RC3H2: variants seen among roughly 807,000 people sequenced by gnomAD.
RC3H2 encodes ring finger and CCCH-type domains 2, also known as roquin-2.
A neutral mutation model predicts 133.3 loss-of-function variants in RC3H2; 31 were observed. The ratio of observed to expected loss-of-function variants is 0.23; its 90% CI spans 0.17 to 0.31. The LOEUF (loss-of-function observed/expected upper bound fraction) is 0.31. RC3H2 is among the 10% of genes least tolerant of loss of function. The pLI is 1.00. For missense variants in RC3H2, 1,175 were observed against 1,437.2 expected (o/e 0.82, Z 2.95); for synonymous variants, 517 against 502.2 (o/e 1.03, Z -0.40).
rs1227631048 is a variant in RC3H2, at chr9:122,846,019, C to T, written c.*3608G>A. 6.6e-6 allele frequency: 1 copy of T among 151,996 alleles called. No homozygotes were observed. The highest frequency in any genetic ancestry group is 2.4e-5 in the African/African-American group (1 of 41,370). 9.4% of individuals were successfully genotyped at this position (151,996 alleles called of 1,614,324 possible). On this transcript the variant is annotated 3_prime_UTR_variant, in exon 21 of 21. Coordinates refer to ENST00000357244, the MANE Select transcript of RC3H2 (RefSeq NM_001100588.3). ...TGAATCTGATGGTTATACATTCCAC[C>T]CCTGTTAACAAGACAACATAGGCTT... is the stretch of plus-strand genomic sequence containing the variant.
Position 122,858,991 on chromosome 9 carries a change from T to C in RC3H2, c.1961A>G (p.Tyr654Cys). Residue 654 changes from tyrosine to cysteine, a missense_variant, in exon 12 of 21, where the codon TAT (tyrosine) becomes TGT (cysteine). Coordinates refer to ENST00000357244, the MANE Select transcript of RC3H2 (RefSeq NM_001100588.3). ...ESSLPPASMP[Y>C]ADHYSTFSPR... The stretch of plus-strand genomic sequence containing the variant: ...GGAAAATGTACTGTAATGATCGGCA[T>C]ATGGCATGGAAGCAGGTGGGAGGGA... 1.2e-6 allele frequency: 2 copies of C among 1,614,056 alleles called. No individual in the cohort carries two copies. Among genetic ancestry groups the C allele is most frequent in the Non-Finnish European group, 1.7e-6 (2 of 1,179,970 alleles).
rs1336962611 is a variant in RC3H2, at chr9:122,867,270, G to A, written c.1326-1613C>T. On this transcript the variant is annotated intron_variant, in intron 9 of 20. Transcript: ENST00000357244. ...CCCCGCCCGGCCAGCCGCCCCGTCCGGGAGGGAGGTGGGGGGGTCAGCCCC... is the reference window on the plus strand; with the variant it reads ...CCCCGCCCGGCCAGCCGCCCCGTCCAGGAGGGAGGTGGGGGGGTCAGCCCC... Among the ~76,000 whole-genome samples the A allele has an allele frequency of 1.6e-3, 183 of 111,552 alleles. 1 individual carries two copies. Among genetic ancestry groups the A allele is most frequent in the African/African-American group, 5.6e-3 (158 of 28,288 alleles). The allele number at this position is 111,552 out of a possible 152,430, so 73.2% of individuals were successfully genotyped here.
intron 1 of RC3H2, among the ~76,000 whole-genome samples, chr9:122,899,849 A>G (rs756020015): frequency 6.6e-6 from 1 of 152,190 alleles, no homozygotes; most frequent in Non-Finnish European, 1.5e-5. Flanking sequence ...CATAATGGCC[A>G]CCTGTTTGGA....
At chr9:122,900,832 C>T (rs919063369) in intron 1 of RC3H2, among the ~76,000 whole-genome samples, 5 of 152,040 alleles carry the variant, frequency 3.3e-5, no homozygotes, top group African/African-American at 1.2e-4. Context: ...ATTTTAGTTA[C>T]CAGTTACAAA....
intron 18 of RC3H2, among the ~76,000 whole-genome samples, chr9:122,852,202 G>A (rs1166346610): frequency 7.5e-5 from 11 of 146,348 alleles, no homozygotes; most frequent in South Asian, 4.4e-4. Flanking sequence ...CCGTCTGGGA[G>A]GTGAGGAGCG....
rs1451530134 is a variant in RC3H2, at chr9:122,859,683, G to T, written c.1849+234C>A. Among the ~76,000 whole-genome samples, 3 of 151,864 alleles carry T rather than the reference G, an allele frequency of 2.0e-5. No homozygotes were observed. In the East Asian group the frequency reaches 5.8e-4, roughly 29 times the overall value. ...AAACATTTTTTTACATCATTTCAGG[G>T]GACTTACAGAAAACCCCTAAAGTTC... On this transcript the variant is annotated intron_variant, in intron 11 of 20. Coordinates refer to ENST00000357244, the MANE Select transcript of RC3H2 (RefSeq NM_001100588.3).
At position 122,890,512 on chromosome 9, in the gene RC3H2, C is replaced by T. The variant is rs1392584911; in HGVS notation, c.383G>A (p.Arg128His). The stretch of plus-strand genomic sequence containing the variant: ...TGTCACCAGTTTCCTTTGCATTGGA[C>T]GGCTCAGTGCACTCTGGTTCAAGCT... ...VASLNQSALS[R>H]PMQRKLVTLV... is the part of the protein sequence containing the mutation. The change falls in exon 4 of 21, where the codon CGT becomes CAT. Residue 128 changes from arginine to histidine, a missense_variant. Transcript: ENST00000357244. 6.2e-7 allele frequency: 1 copy of T among 1,614,068 alleles called. No individual in the cohort carries two copies. The highest frequency in any genetic ancestry group is 8.5e-7 in the Non-Finnish European group (1 of 1,179,946).
chr9:122,871,789 G>GCC (rs1831115060), intron 9 of RC3H2, among the ~76,000 whole-genome samples: 1 of 151,754 alleles, frequency 6.6e-6, no homozygotes, highest in Admixed American at 6.6e-5. Flanking sequence ...TACAATGTAA[G>GCC]CCCCCGGAGG....
At chr9:122,857,396 G>C (rs910819326) in intron 13 of RC3H2, among the ~76,000 whole-genome samples, 2 of 152,186 alleles carry the variant, frequency 1.3e-5, no homozygotes, top group Non-Finnish European at 2.9e-5. Context: ...GTGATGTAAA[G>C]AGCATAAATA....
intron 8 of RC3H2, among the ~76,000 whole-genome samples, chr9:122,879,037 G>A (rs925993508): frequency 4.0e-5 from 6 of 150,284 alleles, no homozygotes; most frequent in East Asian, 2.0e-4. Context: ...GATTACAGGC[G>A]TGAGCCACTG....
At chr9:122,865,720 TGGCAATG>T (rs763667857) in intron 9 of RC3H2, 63 bp from the exon 10 acceptor site, 3 of 1,423,418 alleles carry the variant, frequency 2.1e-6, no homozygotes, top group South Asian at 1.2e-5. Flanking sequence ...AGACAAAAAA[TGGCAATG>T]GGCAATGGGA....
chr9:122,878,130 CATTCTT>C (rs1466655187), intron 8 of RC3H2, among the ~76,000 whole-genome samples: 101 of 152,284 alleles, frequency 6.6e-4, no homozygotes, highest in African/African-American at 2.2e-3. Flanking sequence ...AAATCTAAGA[CATTCTT>C]ATTCTTATGA....
chr9:122,899,430 C>T (rs1832569524), intron 1 of RC3H2, among the ~76,000 whole-genome samples: 1 of 152,166 alleles, frequency 6.6e-6, no homozygotes, highest in Non-Finnish European at 1.5e-5. Context: ...TAAAAAAAAT[C>T]TTGGTAAAAA....
rs755408855 is a variant in RC3H2 at position 122,854,180 on chromosome 9, C to A, written c.2982+5G>T. On this transcript the variant is annotated splice_donor_5th_base_variant and intron_variant, in intron 17 of 20. Coordinates refer to ENST00000357244, the MANE Select transcript of RC3H2 (RefSeq NM_001100588.3). ...AAAAATTTATAGCTGAGTTACAGAG[C>A]CTACCTGCTGAAGTTCAAGGCTCAA... 18 of 1,613,518 alleles carry A rather than the reference C, an allele frequency of 1.1e-5. 1 individual carries two copies. In the South Asian group the frequency reaches 2.0e-4, roughly 18 times the overall value.
At chr9:122,872,477 T>C (rs996687988) in intron 9 of RC3H2, among the ~76,000 whole-genome samples, 8 of 152,246 alleles carry the variant, frequency 5.3e-5, no homozygotes, top group Non-Finnish European at 1.0e-4. Flanking sequence ...TGACTTCTTA[T>C]TGCAAACAGA....
intron 8 of RC3H2, among the ~76,000 whole-genome samples, chr9:122,879,495 C>A (rs1354371709): frequency 6.6e-6 from 1 of 151,786 alleles, no homozygotes; most frequent in East Asian, 1.9e-4. Flanking sequence ...TGAGACAAAA[C>A]GTTTGGAATC....
chr9:122,867,699 G>A (rs898779476), intron 9 of RC3H2, among the ~76,000 whole-genome samples: 2 of 110,004 alleles, frequency 1.8e-5, no homozygotes, highest in African/African-American at 3.5e-5. Context: ...TGTGAGGAGC[G>A]CCTCTGCCTG....
At position 122,846,890 on chromosome 9, in the gene RC3H2, C is replaced by T. The variant is rs750615004; in HGVS notation, c.*2737G>A. On this transcript the variant is annotated 3_prime_UTR_variant, in exon 21 of 21. Coordinates refer to ENST00000357244, the MANE Select transcript of RC3H2 (RefSeq NM_001100588.3). ...AGGATCAGATGAACTGCCCTTTCTT[C>T]GAAAGTGGCAGAGAACCAATGGCTT... 6.6e-6 allele frequency: 1 copy of T among 152,110 alleles called. No individual in the cohort carries two copies. Among genetic ancestry groups the T allele is most frequent in the Non-Finnish European group, 1.5e-5 (1 of 67,996 alleles). The allele number at this position is 152,110 out of a possible 1,614,324, so 9.4% of individuals were successfully genotyped here.
Position 122,851,165 on chromosome 9 carries a change from A to C in RC3H2, c.3296T>G (p.Val1099Gly). 1.2e-6 allele frequency: 2 copies of C among 1,614,124 alleles called. No individual in the cohort carries two copies. Among genetic ancestry groups the C allele is most frequent in the Non-Finnish European group, 1.7e-6 (2 of 1,179,998 alleles). Residue 1099 changes from valine (V) to glycine (G), a missense_variant, in exon 20 of 21, where the codon GTG becomes GGG. Val to Gly is a moderately radical substitution (Grantham distance 109, BLOSUM62 -3). This residue lies in a region of RC3H2 where 220 missense variants were observed against 201.1 expected (regional missense o/e 1.09). Transcript: ENST00000357244. ...CTGCTGTACTGGATGCCCATTTTCC[A>C]CTGCCATTCCATTTAGCAACTGATC... The part of the protein sequence containing the change: ...QNDQLLNGMA[V>G]ENGHPVQQHQ...
Sources: gnomAD v4.1 joint callset for allele counts (sites outside exome capture counted in the v4.1 genomes callset) on GRCh38, gnomAD v4.1.1 for gene constraint, gnomAD v4.1.1 regional missense constraint, MANE v1.5 for transcripts, NCBI Gene and HGNC (gene_info 2026-07-23, HGNC 2026-07-21) for gene names.